PLCXD1: variants seen among roughly 807,000 people sequenced by gnomAD.
PLCXD1 encodes the protein PI-PLC X domain-containing protein 1.
PLCXD1 carries 45 observed loss-of-function variants against 37.8 expected under a neutral mutation model. The observed-to-expected ratio is 1.19, with a 90% CI of 0.94 to 1.53. PLCXD1 has a LOEUF of 1.53. Among genes scored for constraint, PLCXD1 ranks in the 40% most tolerant of loss-of-function variants. The pLI is 0.00. For missense variants in PLCXD1, 539 were observed against 454.7 expected (o/e 1.19, Z -1.69); for synonymous variants, 246 against 206.9 (o/e 1.19, Z -1.62).
chrX:295,845 G>A (rs1376905899), intron 6 of PLCXD1, among the ~76,000 whole-genome samples: 3 of 150,022 alleles, frequency 2.0e-5, no homozygotes, highest in Non-Finnish European at 4.4e-5. Flanking sequence ...TTTTGTTTGT[G>A]TGTTTGTTTT....
chrX:285,045 C>A (rs1051006834), intron 2 of PLCXD1, among the ~76,000 whole-genome samples: 1 of 152,006 alleles, frequency 6.6e-6, no homozygotes, highest in East Asian at 1.9e-4. Context: ...GGGACACAGC[C>A]GAGCCATATC....
rs201597638 is a variant in PLCXD1 at position 299,320 on chromosome X, G to A, written c.957G>A (p.Lys319=). The A allele has an allele frequency of 1.2e-6, 2 of 1,613,008 alleles. No homozygotes were observed. The highest frequency in any genetic ancestry group is 2.2e-5 in the East Asian group (1 of 44,874). The change falls in exon 7 of 7, where the codon AAG becomes AAA. Residue 319 remains lysine (K), a synonymous_variant. Coordinates refer to ENST00000381657, the MANE Select transcript of PLCXD1 (RefSeq NM_018390.4). ...GTGACGTCATCGCGCTCAATCAGAA[G>A]CTGCTGTGGTGCTGACGGGACCCTT... ...FVSDVIALNQ[K]LLWC is the part of the protein sequence containing the mutation.
chrX:284,629 CGCACATCTGCACACACACAT>C (rs1274320722), intron 2 of PLCXD1, among the ~76,000 whole-genome samples: 52 of 149,638 alleles, frequency 3.5e-4, no homozygotes, highest in South Asian at 8.4e-4. Flanking sequence ...CATCTGCACA[CGCACATCTGCACACACACAT>C]GCACATCTGC....
chrX:280,218 T>C (rs2069233832), upstream of PLCXD1, among the ~76,000 whole-genome samples: 1 of 151,896 alleles, frequency 6.6e-6, no homozygotes, highest in East Asian at 1.9e-4. Context: ...ATCCGGAGGC[T>C]CACAGCGGCC....
At chrX:288,134 T>C (rs2069515980) in intron 2 of PLCXD1, among the ~76,000 whole-genome samples, 1 of 150,186 alleles carries the variant, frequency 6.7e-6, no homozygotes, top group Non-Finnish European at 1.5e-5. Flanking sequence ...TGTCATTGCA[T>C]TTAGGACCCA....
chrX:294,147 G>A (rs997620438), intron 6 of PLCXD1, among the ~76,000 whole-genome samples: 5 of 152,034 alleles, frequency 3.3e-5, no homozygotes, highest in African/African-American at 4.8e-5. Context: ...AGACCAGCCT[G>A]GCCAACATGG....
At chrX:285,165 C>T (rs769113453) in intron 2 of PLCXD1, among the ~76,000 whole-genome samples, 4 of 152,230 alleles carry the variant, frequency 2.6e-5, no homozygotes, top group Admixed American at 2.0e-4. Flanking sequence ...CATCCCCACA[C>T]ATATGCACAT....
At chrX:292,252 G>A (rs1336679127) in intron 5 of PLCXD1, among the ~76,000 whole-genome samples, 6 of 151,922 alleles carry the variant, frequency 3.9e-5, no homozygotes, top group East Asian at 3.9e-4. Flanking sequence ...TCAGGACATC[G>A]AGACCATCCT....
rs2069600262 is a variant in PLCXD1 at position 290,672 on chromosome X, G to A, written c.289G>A (p.Asp97Asn). The change falls in exon 4 of 7, where the codon GAT (aspartate) becomes AAT (asparagine). Residue 97 changes from aspartate to asparagine, a missense_variant. Coordinates refer to ENST00000381657, the MANE Select transcript of PLCXD1 (RefSeq NM_018390.4). ...TQALDVTEQL[D>N]AGVRYLDLRI... is the part of the protein sequence containing the mutation. ...GGCACTGGACGTCACAGAGCAGCTGGATGCCGGGGTGCGGTACCTGGACCT... is the reference window on the plus strand; with the variant it reads ...GGCACTGGACGTCACAGAGCAGCTGAATGCCGGGGTGCGGTACCTGGACCT... The A allele has an allele frequency of 6.2e-7, 1 of 1,613,848 alleles. No homozygotes were observed. Among genetic ancestry groups the A allele is most frequent in the Non-Finnish European group, 8.5e-7 (1 of 1,179,808 alleles).
intron 2 of PLCXD1, 57 bp downstream of exon 2, chrX:284,371 G>T: frequency 1.2e-6 from 2 of 1,601,186 alleles, no homozygotes; most frequent in South Asian, 1.1e-5. Context: ...GGCAGGGTGG[G>T]GCGGGAGCTG....
chrX:290,558 C>A, intron 3 of PLCXD1, 90 bp from the exon 4 acceptor site: 3 of 1,408,226 alleles, frequency 2.1e-6, no homozygotes, highest in East Asian at 2.3e-5. Context: ...GGCAGCAGGA[C>A]ATGCGGGTGG....
At chrX:286,882 A>C (rs1257719221) in intron 2 of PLCXD1, among the ~76,000 whole-genome samples, 1 of 151,874 alleles carries the variant, frequency 6.6e-6, no homozygotes, top group African/African-American at 2.4e-5. Context: ...CAGCAGGAGA[A>C]GTACTGGTCT....
upstream of PLCXD1, among the ~76,000 whole-genome samples, chrX:276,546 C>T (rs185525943): frequency 4.4e-3 from 666 of 152,212 alleles, 1 homozygote; most frequent in Middle Eastern, 0.01. Flanking sequence ...GCTGGGGGCA[C>T]GGGCAGGGGG....
At chrX:288,584 TG>T in intron 2 of PLCXD1, 148 bp from the exon 3 acceptor site, 2 of 799,410 alleles carry the variant, frequency 2.5e-6, no homozygotes, top group Non-Finnish European at 4.3e-6. Context: ...ACGTGAGTTT[TG>T]GGGGTCAGCG....
intron 2 of PLCXD1, among the ~76,000 whole-genome samples, chrX:284,571 C>A (rs1391280604): frequency 7.2e-6 from 1 of 138,838 alleles, no homozygotes; most frequent in Non-Finnish European, 1.6e-5. Context: ...TGCACACATA[C>A]ACAGGCATAC....
intron 1 of PLCXD1, chrX:283,748 A>G (rs1201785243): frequency 1.8e-5 from 3 of 163,616 alleles, no homozygotes; most frequent in Admixed American, 1.8e-4. Context: ...TGGACCAGCT[A>G]AAGGCTCGCA....
At position 288,800 on chromosome X, in the gene PLCXD1, G is replaced by A. The variant is rs1281223707; in HGVS notation, c.195G>A (p.Leu65=). 1 of 1,613,724 alleles carries A rather than the reference G, an allele frequency of 6.2e-7. No homozygotes were observed. ...KSPISHEESR[L]LQLLNKALPC... ...CCATTTCGCACGAGGAGTCCCGGCT[G>A]CTGCAGCTGCTGAACAAGGCCTTGC... is the stretch of plus-strand genomic sequence containing the variant. Residue 65 remains leucine (L), a synonymous_variant, in exon 3 of 7, where the codon CTG becomes CTA. Coordinates refer to ENST00000381657, the MANE Select transcript of PLCXD1 (RefSeq NM_018390.4).
chrX:292,989 C>A, intron 5 of PLCXD1, 46 bp from the exon 6 acceptor site: 1 of 1,399,860 alleles, frequency 7.1e-7, no homozygotes. Context: ...CAGGTGCCCC[C>A]GGCTCTCCTC....
At chrX:282,049 C>T (rs2069290100) in intron 1 of PLCXD1, among the ~76,000 whole-genome samples, 1 of 152,116 alleles carries the variant, frequency 6.6e-6, no homozygotes, top group African/African-American at 2.4e-5. Context: ...TGCCCGGCCC[C>T]TCCAGGTCTC....
Sources: gnomAD v4.1 joint callset for allele counts (sites outside exome capture counted in the v4.1 genomes callset) on GRCh38, gnomAD v4.1.1 for gene constraint, MANE v1.5 for transcripts, NCBI Gene and HGNC (gene_info 2026-07-23, HGNC 2026-07-21) for gene names.